BRF1: variants seen among roughly 807,000 people sequenced by gnomAD.
BRF1 encodes transcription factor IIIB 90 kDa subunit.
In BRF1, 59 loss-of-function variants were observed where a neutral mutation model predicts 81.7. The observed-to-expected ratio is 0.72, with a 90% confidence interval of 0.59 to 0.90. The LOEUF is 0.90. BRF1 is among the 40% of genes least tolerant of loss of function. The pLI is 0.00. For missense variants in BRF1, 1,050 were observed against 936.3 expected (o/e 1.12, Z -1.58); for synonymous variants, 491 against 395.6 (o/e 1.24, Z -2.86).
chr14:105,283,384 C>T (rs1317371831), intron 2 of BRF1, among the ~76,000 whole-genome samples: 2 of 152,146 alleles, frequency 1.3e-5, no homozygotes, highest in Admixed American at 6.5e-5. Flanking sequence ...TGCAGAACCT[C>T]AGGTGGGAAC....
intron 15 of BRF1, among the ~76,000 whole-genome samples, chr14:105,216,558 G>C (rs1053016272): frequency 2.0e-4 from 30 of 152,206 alleles, no homozygotes; most frequent in African/African-American, 7.2e-4. Flanking sequence ...AGGAGGTCAG[G>C]CTCCCTCACA....
intron 4 of BRF1, among the ~76,000 whole-genome samples, chr14:105,255,466 A>G (rs1247462841): frequency 3.3e-5 from 5 of 152,082 alleles, no homozygotes; most frequent in Non-Finnish European, 7.4e-5. Flanking sequence ...CTTGAGGACC[A>G]GAGGTGGCAG....
chr14:105,246,969 G>C, intron 5 of BRF1: 2 of 985,312 alleles, frequency 2.0e-6, no homozygotes, highest in Non-Finnish European at 2.4e-6. Context: ...TCCCCAAATG[G>C]ACCCACCACA....
At chr14:105,267,567 C>A (rs1255652293) in intron 3 of BRF1, among the ~76,000 whole-genome samples, 1 of 152,164 alleles carries the variant, frequency 6.6e-6, no homozygotes, top group Non-Finnish European at 1.5e-5. Flanking sequence ...CTGCCTGGGC[C>A]TCCCAAAGTG....
intron 5 of BRF1, chr14:105,242,185 G>A (rs958725036): frequency 3.9e-5 from 6 of 152,300 alleles, no homozygotes; most frequent in African/African-American, 1.2e-4. Flanking sequence ...AATGCTTGAG[G>A]TGAAAGATGT....
At chr14:105,251,893 A>G (rs587735901) in intron 5 of BRF1, among the ~76,000 whole-genome samples, 2 of 152,160 alleles carry the variant, frequency 1.3e-5, no homozygotes, top group East Asian at 3.9e-4. Context: ...AGGGAGAGAC[A>G]GGACTTACCC....
At chr14:105,228,615 C>G (rs1458199287) in intron 7 of BRF1, among the ~76,000 whole-genome samples, 1 of 151,794 alleles carries the variant, frequency 6.6e-6, no homozygotes, top group Admixed American at 6.6e-5. Context: ...CCCAGAAGGA[C>G]TAGCAGGGAA....
At chr14:105,304,786 C>T (rs760063119), upstream of BRF1, among the ~76,000 whole-genome samples, 2 of 152,224 alleles carry the variant, frequency 1.3e-5, no homozygotes, top group Non-Finnish European at 2.9e-5. Context: ...ACGTGGATGG[C>T]AGCAGGGAGA....
intron 6 of BRF1, 92 bp from the exon 7 acceptor site, chr14:105,229,005 C>A (rs587598850): frequency 2.6e-6 from 3 of 1,165,876 alleles, no homozygotes; most frequent in African/African-American, 3.0e-5. Context: ...ATCCCGGTCA[C>A]GGAGATGATG....
chr14:105,250,345 C>T (rs371096157), intron 5 of BRF1: 111 of 1,613,466 alleles, frequency 6.9e-5, no homozygotes, highest in Admixed American at 2.2e-4. Context: ...GCCTGTATGG[C>T]TCCAGCTCTG....
At chr14:105,259,963 T>C (rs1012956537) in intron 3 of BRF1, among the ~76,000 whole-genome samples, 1 of 152,006 alleles carries the variant, frequency 6.6e-6, no homozygotes, top group Non-Finnish European at 1.5e-5. Flanking sequence ...ATTCCATTTA[T>C]AGGGCATTCT....
intron 2 of BRF1, among the ~76,000 whole-genome samples, chr14:105,281,758 TA>T (rs2057114721): frequency 6.6e-6 from 1 of 151,824 alleles, no homozygotes; most frequent in Admixed American, 6.6e-5. Flanking sequence ...TTTTTTTTTT[TA>T]AATTCCTTTC....
chr14:105,226,946 C>CAAA, intron 7 of BRF1, 186 bp from the exon 8 acceptor site: 1 of 683,588 alleles, frequency 1.5e-6, no homozygotes, highest in Non-Finnish European at 2.3e-6. Flanking sequence ...CTGTCTCTAC[C>CAAA]CAAAAAAAAA....
chr14:105,218,886 G>T, intron 14 of BRF1, 112 bp downstream of exon 14: 1 of 1,485,618 alleles, frequency 6.7e-7, no homozygotes, highest in Non-Finnish European at 9.3e-7. Flanking sequence ...CCGGCTGCCT[G>T]CCCTGGGGCC....
At chr14:105,293,404 C>G (rs948452384) in intron 1 of BRF1, among the ~76,000 whole-genome samples, 1 of 152,206 alleles carries the variant, frequency 6.6e-6, no homozygotes, top group Admixed American at 6.5e-5. Flanking sequence ...GTTGTGATTA[C>G]GGGAAACGCT....
At position 105,241,268 on chromosome 14, in the gene BRF1, C is replaced by T. The variant is rs1455224138; in HGVS notation, c.691G>A (p.Ala231Thr). The T allele has an allele frequency of 1.2e-6, 2 of 1,611,454 alleles. No individual in the cohort carries two copies. Among genetic ancestry groups the T allele is most frequent in the East Asian group, 2.2e-5 (1 of 44,890 alleles). ...AGGCAGGCAGGGCCCGCTGTACCTG[C>T]TCCGCAGAGGCCCGAGGGGCGCCGG... ...TGRRPSGLCGAALLVAARMHD... is the reference protein window; with the variant it reads ...TGRRPSGLCGTALLVAARMHD... The change falls in exon 6 of 18, where the codon GCA (alanine) becomes ACA (threonine). Residue 231 changes from alanine (A) to threonine (T), a missense_variant. By Grantham distance (58) the Ala-to-Thr change is moderately conservative. Transcript: ENST00000547530.
At chr14:105,223,213 C>T (rs1892564233) in intron 10 of BRF1, among the ~76,000 whole-genome samples, 1 of 152,130 alleles carries the variant, frequency 6.6e-6, no homozygotes, top group African/African-American at 2.4e-5. Context: ...AAAAGACATA[C>T]ACACTTGCCT....
chr14:105,314,048 C>A (rs1193671423), intron 1 of BRF1, among the ~76,000 whole-genome samples: 1 of 152,272 alleles, frequency 6.6e-6, no homozygotes, highest in East Asian at 1.9e-4. Context: ...GCAAAGAGGG[C>A]GCCCGGGGTC....
At chr14:105,314,130 A>G (rs1311009640) in intron 1 of BRF1, among the ~76,000 whole-genome samples, 1 of 152,168 alleles carries the variant, frequency 6.6e-6, no homozygotes, top group South Asian at 2.1e-4. Context: ...GACCGCCGCC[A>G]GGCCCGGCCA....
Sources: gnomAD v4.1 joint callset for allele counts (sites outside exome capture counted in the v4.1 genomes callset) on GRCh38, gnomAD v4.1.1 for gene constraint, MANE v1.5 for transcripts, NCBI Gene and HGNC (gene_info 2026-07-23, HGNC 2026-07-21) for gene names.